The following HOXC6 variants were observed in gnomAD, a reference collection of about 807,000 sequenced individuals.
The protein encoded by HOXC6 is homeobox protein Hox-C6.
In HOXC6, 10 loss-of-function variants were observed where a neutral mutation model predicts 24.0. That is an observed-to-expected ratio of 0.42 (90% CI 0.26 to 0.71). The LOEUF is 0.71. HOXC6 is among the 30% of genes least tolerant of loss of function. The probability of loss-of-function intolerance (pLI) is 0.28; values close to 1 mark genes in which losing one functional copy is unlikely to be tolerated. For missense variants in HOXC6, 258 were observed against 303.4 expected, an observed-to-expected ratio of 0.85 and a Z score of 1.11; for synonymous variants, 123 against 128.1, an observed-to-expected ratio of 0.96 and a Z score of 0.27.
chr12:54,027,448 G>A (rs1202769194), upstream of HOXC6, among the ~76,000 whole-genome samples: 2 of 152,150 alleles, frequency 1.3e-5, no homozygotes, highest in African/African-American at 4.8e-5. Context: ...CTTTCTGGCT[G>A]GATCCTATGT....
Position 54,018,293 on chromosome 12 carries a change from C to A in HOXC6, c.-193+879C>A, listed in dbSNP as rs909869467. Among the ~76,000 whole-genome samples the A allele has an allele frequency of 9.2e-5, 14 of 152,336 alleles. No individual in the cohort carries two copies. In the East Asian group the frequency reaches 2.7e-3, roughly 29 times the overall value. Reference sequence around the variant, plus strand: ...ATCCCAGCCGGGATGCCCACTGGACCGGGATGCCCGCTCGCCACGCATGGC... The same window carrying A: ...ATCCCAGCCGGGATGCCCACTGGACAGGGATGCCCGCTCGCCACGCATGGC... On this transcript the variant is annotated intron_variant, in intron 1 of 2. Transcript: ENST00000394331.
intron 1 of HOXC6, chr12:54,022,231 T>C (rs185176708): frequency 2.0e-5 from 3 of 152,270 alleles, no homozygotes; most frequent in African/African-American, 7.2e-5. Context: ...TGTTGGGTTT[T>C]AAATCAGGGT....
At chr12:54,029,600 C>A in intron 1 of HOXC6, 55 bp from the exon 2 acceptor site, 1 of 1,560,352 alleles carries the variant, frequency 6.4e-7, no homozygotes, top group South Asian at 1.2e-5. Flanking sequence ...GCGAAACAGT[C>A]TGCAGAGGAC....
chr12:54,028,733 A>T lies in HOXC6; in HGVS notation c.212A>T (p.Asp71Val), dbSNP rs1358133124. 6.2e-7 allele frequency: 1 copy of T among 1,614,152 alleles called. No homozygotes were observed. Among genetic ancestry groups the T allele is most frequent in the South Asian group, 1.1e-5 (1 of 91,080 alleles). ...VVFSSSRGPY[D>V]YGSNSFYQEK... ...TTCAGTTCCAGCCGGGGGCCGTATG[A>T]CTATGGATCTAATTCCTTTTACCAG... Residue 71 changes from aspartate (D) to valine (V), a missense_variant, in exon 1 of 2, where the codon GAC becomes GTC. Asp to Val is a radical substitution (Grantham distance 152). Coordinates refer to ENST00000243108, the MANE Select transcript of HOXC6 (RefSeq NM_004503.4).
At chr12:54,020,821 C>T (rs1190449457) in intron 1 of HOXC6, 1 of 152,202 alleles carries the variant, frequency 6.6e-6, no homozygotes, top group Non-Finnish European at 1.5e-5. Context: ...TAAAGGCTTT[C>T]TCAGACCTTA....
rs1940956270 is a variant in HOXC6 at position 54,030,733 on chromosome 12, T to C, written c.*771T>C. The C allele has an allele frequency of 6.6e-6, 1 of 152,620 alleles. No homozygotes were observed. Among genetic ancestry groups the C allele is most frequent in the Non-Finnish European group, 1.5e-5 (1 of 68,030 alleles). 9.5% of individuals were successfully genotyped at this position (152,620 alleles called of 1,614,324 possible). On this transcript the variant is annotated 3_prime_UTR_variant, in exon 2 of 2. Coordinates refer to ENST00000243108, the MANE Select transcript of HOXC6 (RefSeq NM_004503.4). The stretch of plus-strand genomic sequence containing the variant: ...CAGTAGGAGAAAATAAATAAATAAA[T>C]AAATCCCTTCGTGTTACCCTCCTGT...
At chr12:54,025,367 G>C (rs1940644111), upstream of HOXC6, among the ~76,000 whole-genome samples, 2 of 152,050 alleles carry the variant, frequency 1.3e-5, no homozygotes, top group Non-Finnish European at 2.9e-5. Flanking sequence ...AAATTAACAT[G>C]AAATGGGAAA....
chr12:54,022,940 C>T (rs1253327281), intron 1 of HOXC6, among the ~76,000 whole-genome samples: 1 of 152,202 alleles, frequency 6.6e-6, no homozygotes, highest in Non-Finnish European at 1.5e-5. Context: ...CCTATTGCGG[C>T]TTCTTCCTCA....
At chr12:54,021,602 A>C (rs567270371) in intron 1 of HOXC6, 1 of 152,356 alleles carries the variant, frequency 6.6e-6, no homozygotes, top group African/African-American at 2.4e-5. Context: ...GGTTCCTCCC[A>C]AGACTCTTGT....
chr12:54,018,809 C>T (rs1025343949), intron 1 of HOXC6, among the ~76,000 whole-genome samples: 1 of 152,148 alleles, frequency 6.6e-6, no homozygotes, highest in Non-Finnish European at 1.5e-5. Context: ...GGGGGCCAGA[C>T]TTACCTTAAT....
At chr12:54,028,352 TC>T (rs60224235), upstream of HOXC6, 31 of 633,058 alleles carry the variant, frequency 4.9e-5, no homozygotes, top group Non-Finnish European at 7.7e-5. Flanking sequence ...GCGATTTTTT[TC>T]CCCCTTCCTG....
Position 54,029,930 on chromosome 12 carries a change from G to T in HOXC6, c.676G>T (p.Glu226Ter), listed in dbSNP as rs777858592. The T allele has an allele frequency of 1.7e-5, 27 of 1,596,094 alleles. No homozygotes were observed. The highest frequency in any genetic ancestry group is 2.1e-5 in the Non-Finnish European group (25 of 1,170,478). ...CCTGGGCGGAAAAGAGGAAAAGCGG[G>T]AAGAGACAGAAGAGGAGAAGCAGAA... ...DSLGGKEEKR[E>*]ETEEEKQKE The change falls in exon 2 of 2, where the codon GAA (glutamate) becomes TAA (stop). Residue 226 changes from glutamate to a stop codon, truncating the protein, a stop_gained. Transcript: ENST00000243108. LOFTEE classifies it high-confidence loss of function.
chr12:54,029,700 C>G lies in HOXC6; in HGVS notation c.446C>G (p.Ser149Trp). Residue 149 changes from serine to tryptophan, a missense_variant, in exon 2 of 2, where the codon TCG becomes TGG. Transcript: ENST00000243108. ...CGGAGGCGCGGCCGCCAGATCTACT[C>G]GCGGTACCAGACCCTGGAACTGGAG... ...ADRRRGRQIYSRYQTLELEKE... is the reference protein window; with the variant it reads ...ADRRRGRQIYWRYQTLELEKE... 1 of 1,614,140 alleles carries G rather than the reference C, an allele frequency of 6.2e-7. No individual in the cohort carries two copies. The highest frequency in any genetic ancestry group is 8.5e-7 in the Non-Finnish European group (1 of 1,179,970).
At chr12:54,026,995 C>T (rs917177420), upstream of HOXC6, among the ~76,000 whole-genome samples, 1 of 151,496 alleles carries the variant, frequency 6.6e-6, no homozygotes, top group African/African-American at 2.4e-5. Context: ...TTTCTCTGCT[C>T]CCCGCACACT....
At chr12:54,025,533 G>T (rs1030364390), upstream of HOXC6, among the ~76,000 whole-genome samples, 7 of 48,480 alleles carry the variant, frequency 1.4e-4, no homozygotes, top group South Asian at 5.4e-4. Flanking sequence ...TAATTGGGGG[G>T]GGGGGAGGTG....
chr12:54,023,085 C>T (rs919575791), intron 1 of HOXC6, among the ~76,000 whole-genome samples: 4 of 152,308 alleles, frequency 2.6e-5, no homozygotes, highest in African/African-American at 9.6e-5. Flanking sequence ...AAGCTCTCTC[C>T]CCATTCCCAG....
Position 54,028,822 on chromosome 12 carries a change from G to C in HOXC6, c.301G>C (p.Ala101Pro). 6.2e-7 allele frequency: 1 copy of C among 1,614,056 alleles called. No individual in the cohort carries two copies. The highest frequency in any genetic ancestry group is 8.5e-7 in the Non-Finnish European group (1 of 1,180,006). Reference sequence around the variant, plus strand: ...AGGACATAACACACAGACCTCAATCGCTCAGGATTTTAGTTCTGAGCAGGG... The same window carrying C: ...AGGACATAACACACAGACCTCAATCCCTCAGGATTTTAGTTCTGAGCAGGG... ...TLGHNTQTSIAQDFSSEQGRT... is the reference protein window; with the variant it reads ...TLGHNTQTSIPQDFSSEQGRT... Residue 101 changes from alanine to proline, a missense_variant, in exon 1 of 2, where the codon GCT becomes CCT. Coordinates refer to ENST00000243108, the MANE Select transcript of HOXC6 (RefSeq NM_004503.4).
upstream of HOXC6, among the ~76,000 whole-genome samples, chr12:54,025,415 T>C (rs1023871962): frequency 1.3e-5 from 2 of 152,000 alleles, no homozygotes; most frequent in Admixed American, 1.3e-4. Flanking sequence ...ATCGGGCTCA[T>C]CTGACCTGCT....
chr12:54,021,253 G>A (rs1367242006), intron 1 of HOXC6: 1 of 152,246 alleles, frequency 6.6e-6, no homozygotes, highest in Non-Finnish European at 1.5e-5. Context: ...GGCAGATTGG[G>A]AGTTCTCTAA....
Sources: allele counts gnomAD v4.1 joint callset (sites outside exome capture counted in the v4.1 genomes callset), GRCh38; gene constraint gnomAD v4.1.1; transcripts MANE v1.5; gene names NCBI Gene and HGNC (gene_info 2026-07-23, HGNC 2026-07-21).